Variants in GLT1D1 observed in about 807,000 individuals in gnomAD.
The protein encoded by GLT1D1 is glycosyltransferase 1 domain-containing protein 1.
In GLT1D1, 21 loss-of-function variants were observed where a neutral mutation model predicts 28.7. That is an observed-to-expected ratio of 0.73 (90% CI 0.52 to 1.05). The LOEUF (loss-of-function observed/expected upper bound fraction) is 1.05, where lower values mean the gene tolerates loss of function less well. Among genes scored for constraint, GLT1D1 ranks in the 50% least tolerant of loss-of-function variants. The pLI, the probability that GLT1D1 is intolerant of heterozygous loss-of-function variation, is 0.00. For synonymous variants in GLT1D1, 147 were observed against 124.8 expected (o/e 1.18, Z -1.19); for missense variants, 343 against 330.6 (o/e 1.04, Z -0.29).
chr12:128,924,801 A>G (rs1873022010), intron 4 of GLT1D1, among the ~76,000 whole-genome samples: 1 of 152,140 alleles, frequency 6.6e-6, no homozygotes, highest in South Asian at 2.1e-4. Context: ...GGCAGTGGGG[A>G]GAGTGGGAAG....
At chr12:128,894,717 G>A (rs1869435386) in intron 3 of GLT1D1, among the ~76,000 whole-genome samples, 1 of 151,912 alleles carries the variant, frequency 6.6e-6, no homozygotes, top group African/African-American at 2.4e-5. Context: ...GAGCATGGTG[G>A]TGCGTGCCTG....
At chr12:128,915,055 T>C in intron 4 of GLT1D1, 66 bp downstream of exon 6, 2 of 1,296,378 alleles carry the variant, frequency 1.5e-6, no homozygotes, top group Non-Finnish European at 2.1e-6. Flanking sequence ...TTCAGGAGCT[T>C]GTGACGTTCA....
intron 7 of GLT1D1, among the ~76,000 whole-genome samples, chr12:128,968,237 C>T (rs982300872): frequency 1.3e-5 from 2 of 151,724 alleles, no homozygotes; most frequent in Non-Finnish European, 2.9e-5. Context: ...CCTCGTGATC[C>T]GCCTGCCTCG....
At chr12:128,857,377 G>A (rs1956247911) in intron 1 of GLT1D1, among the ~76,000 whole-genome samples, 1 of 152,214 alleles carries the variant, frequency 6.6e-6, no homozygotes, top group African/African-American at 2.4e-5. Context: ...TCCTGGCTGT[G>A]CAGAAGCAGA....
At chr12:128,916,858 A>G (rs1341209719) in intron 4 of GLT1D1, among the ~76,000 whole-genome samples, 1 of 152,178 alleles carries the variant, frequency 6.6e-6, no homozygotes, top group Non-Finnish European at 1.5e-5. Flanking sequence ...AGTCGAGTTT[A>G]TCAAACTTTT....
At chr12:128,896,575 C>CTTTTTTT (rs60875245) in intron 3 of GLT1D1, among the ~76,000 whole-genome samples, 3 of 105,108 alleles carry the variant, frequency 2.9e-5, no homozygotes, top group Admixed American at 1.1e-4. Context: ...ATGACACATA[C>CTTTTTTT]TTTTTTTTTT....
intron 3 of GLT1D1, among the ~76,000 whole-genome samples, chr12:128,893,837 G>A (rs1270693106): frequency 4.6e-5 from 7 of 151,942 alleles, no homozygotes; most frequent in African/African-American, 1.5e-4. Context: ...CACCTTCCTC[G>A]GCCTCCCAAA....
intron 6 of GLT1D1, 102 bp from the exon 11 acceptor site, chr12:128,957,443 T>C: frequency 2.9e-6 from 2 of 695,814 alleles, no homozygotes; most frequent in South Asian, 1.6e-5. Context: ...GTGCCAGAGG[T>C]CCAGTTAACC....
At chr12:128,905,522 G>T (rs1870759163) in intron 4 of GLT1D1, among the ~76,000 whole-genome samples, 1 of 152,212 alleles carries the variant, frequency 6.6e-6, no homozygotes. Context: ...TGGGAGCTGG[G>T]TTTATGATCG....
At chr12:128,863,413 C>T (rs958841403) in intron 1 of GLT1D1, among the ~76,000 whole-genome samples, 6 of 152,068 alleles carry the variant, frequency 3.9e-5, no homozygotes, top group Non-Finnish European at 8.8e-5. Context: ...GCTCTTGTTG[C>T]CCAGGCTGGA....
chr12:128,887,355 G>C (rs1868510478), intron 2 of GLT1D1, among the ~76,000 whole-genome samples: 1 of 152,090 alleles, frequency 6.6e-6, no homozygotes, highest in African/African-American at 2.4e-5. Context: ...CTTTCCCAGA[G>C]GTGACAACAG....
intron 1 of GLT1D1, among the ~76,000 whole-genome samples, chr12:128,861,802 T>G (rs1733307627): frequency 1.3e-5 from 2 of 152,086 alleles, no homozygotes; most frequent in South Asian, 2.1e-4. Context: ...TACTTTCCCT[T>G]CCAGGCCCGG....
chr12:128,931,934 C>G (rs911324365), intron 4 of GLT1D1, among the ~76,000 whole-genome samples: 1 of 152,210 alleles, frequency 6.6e-6, no homozygotes, highest in Non-Finnish European at 1.5e-5. Flanking sequence ...CACACACACA[C>G]ACACACAACG....
chr12:128,924,426 C>CAA (rs551136651), intron 4 of GLT1D1, among the ~76,000 whole-genome samples: 39 of 128,988 alleles, frequency 3.0e-4, no homozygotes, highest in East Asian at 4.7e-4. Flanking sequence ...GACTTGGTCT[C>CAA]AAAAAAAAAA....
chr12:128,957,658 T>C lies in GLT1D1; in HGVS notation c.639+15T>C, dbSNP rs1324973647. The C allele has an allele frequency of 8.1e-6, 12 of 1,476,526 alleles. No individual in the cohort carries two copies. The East Asian group carries it at 2.7e-4, about 33-fold the overall frequency. 91.5% of individuals were successfully genotyped at this position (1,476,526 alleles called of 1,614,324 possible). ...CCAATCCTCAGGTAAAGAAAAGTTC[T>C]TTCCCTCCATTCACTCACCTTATCT... is the stretch of plus-strand genomic sequence containing the variant. On this transcript the variant is annotated intron_variant, in intron 7 of 7. Transcript: ENST00000281703.
chr12:128,877,178 TA>T, intron 2 of GLT1D1, among the ~76,000 whole-genome samples: 1 of 152,164 alleles, frequency 6.6e-6, no homozygotes, highest in Non-Finnish European at 1.5e-5. Context: ...AGCCACCAAA[TA>T]AAGGCAAGAC....
intron 1 of GLT1D1, among the ~76,000 whole-genome samples, chr12:128,867,597 C>T (rs989700781): frequency 4.6e-4 from 70 of 151,894 alleles, no homozygotes; most frequent in African/African-American, 1.6e-3. Flanking sequence ...CTTGGGATCC[C>T]ATCTCACAGA....
intron 1 of GLT1D1, among the ~76,000 whole-genome samples, chr12:128,871,870 C>G (rs562688760): frequency 6.6e-6 from 1 of 152,106 alleles, no homozygotes; most frequent in Non-Finnish European, 1.5e-5. Flanking sequence ...CTAGGTTGGA[C>G]TTGAACTTTG....
intron 1 of GLT1D1, among the ~76,000 whole-genome samples, chr12:128,862,794 C>T (rs1020424871): frequency 7.2e-5 from 11 of 152,228 alleles, no homozygotes; most frequent in African/African-American, 1.9e-4. Context: ...AGACAGCTTG[C>T]GCACATCAGC....
Sources: gnomAD v4.1 joint callset for allele counts (sites outside exome capture counted in the v4.1 genomes callset) on GRCh38, gnomAD v4.1.1 for gene constraint, MANE v1.5 for transcripts, NCBI Gene and HGNC (gene_info 2026-07-23, HGNC 2026-07-21) for gene names.